RIT2: variants seen among roughly 807,000 people sequenced by gnomAD.
RIT2 encodes Ras like without CAAX 2, also known as GTP-binding protein Rit2.
In RIT2, 24 loss-of-function variants were observed where a neutral mutation model predicts 23.7. That is an observed-to-expected ratio of 1.01 (90% confidence interval 0.73 to 1.43). The LOEUF is 1.43. Ranked by LOEUF, RIT2 falls within the 40% of genes most tolerant of loss-of-function variation. The pLI is 0.00. For missense variants in RIT2, 236 were observed against 266.9 expected (o/e 0.88, Z 0.81); for synonymous variants, 107 against 91.1 (o/e 1.17, Z -0.99).
At position 42,747,401 on chromosome 18, in the gene RIT2, C is replaced by T. The variant is rs531502312; in HGVS notation, c.427-3681G>A. On this transcript the variant is annotated intron_variant, in intron 4 of 4. Transcript: ENST00000326695. The stretch of plus-strand genomic sequence containing the variant: ...GAACACTGTTCAAAGAAATCATAGA[C>T]GACACAAACAAATGAAAACACATCC... Among the ~76,000 whole-genome samples the T allele has an allele frequency of 3.4e-4, 51 of 151,996 alleles. No individual in the cohort carries two copies. The South Asian group carries it at 7.0e-3, about 21-fold the overall frequency.
chr18:43,104,344 A>G (rs967546159), intron 1 of RIT2, among the ~76,000 whole-genome samples: 1 of 152,178 alleles, frequency 6.6e-6, no homozygotes, highest in South Asian at 2.1e-4. Context: ...GGGAGGAATG[A>G]GTTCTGGTGT....
intron 1 of RIT2, among the ~76,000 whole-genome samples, chr18:43,077,102 CA>C (rs34419558): frequency 0.018 from 1,465 of 80,230 alleles, 3 homozygotes; most frequent in Non-Finnish European, 0.021. Flanking sequence ...GACTCCGTCT[CA>C]AAAAAAAAAA....
intron 2 of RIT2, among the ~76,000 whole-genome samples, chr18:42,990,057 A>C (rs1910805486): frequency 6.6e-6 from 1 of 151,542 alleles, no homozygotes; most frequent in Non-Finnish European, 1.5e-5. Flanking sequence ...ATTTATTGTA[A>C]GGAATACAAT....
chr18:42,768,018 A>T (rs1235636225), intron 4 of RIT2, among the ~76,000 whole-genome samples: 1 of 152,142 alleles, frequency 6.6e-6, no homozygotes, highest in East Asian at 1.9e-4. Flanking sequence ...TGTGAAAACA[A>T]ACTAATACAA....
intron 1 of RIT2, among the ~76,000 whole-genome samples, chr18:43,105,590 T>C (rs901909681): frequency 6.6e-6 from 1 of 151,656 alleles, no homozygotes; most frequent in Admixed American, 6.6e-5. Context: ...TTTTCCAATG[T>C]CATCTACCCA....
At chr18:43,087,716 G>A (rs887771232) in intron 1 of RIT2, among the ~76,000 whole-genome samples, 4 of 152,006 alleles carry the variant, frequency 2.6e-5, no homozygotes, top group Admixed American at 6.6e-5. Flanking sequence ...GTAACTGCTC[G>A]AATAGTACAA....
At chr18:42,776,856 A>C (rs990474104) in intron 4 of RIT2, among the ~76,000 whole-genome samples, 4 of 152,232 alleles carry the variant, frequency 2.6e-5, no homozygotes, top group African/African-American at 9.6e-5. Context: ...AAGGGAAATA[A>C]CATTATCAGA....
chr18:42,975,550 G>C (rs1910459397), intron 2 of RIT2, among the ~76,000 whole-genome samples: 1 of 152,026 alleles, frequency 6.6e-6, no homozygotes, highest in African/African-American at 2.4e-5. Flanking sequence ...TCAAGACAGA[G>C]AGGACCCTGA....
chr18:43,048,242 A>G (rs984913093), intron 1 of RIT2, among the ~76,000 whole-genome samples: 5 of 152,204 alleles, frequency 3.3e-5, no homozygotes, highest in Admixed American at 1.3e-4. Flanking sequence ...TTGTATATCT[A>G]TAACAATAAT....
intron 1 of RIT2, among the ~76,000 whole-genome samples, chr18:43,062,722 G>T (rs146766124): frequency 1.3e-5 from 2 of 152,224 alleles, no homozygotes; most frequent in African/African-American, 4.8e-5. Context: ...TGATAAATAT[G>T]AATCTTATTT....
chr18:42,891,500 C>T (rs556395708), intron 4 of RIT2, among the ~76,000 whole-genome samples: 2 of 152,188 alleles, frequency 1.3e-5, no homozygotes, highest in South Asian at 4.1e-4. Context: ...ACCATGATGT[C>T]CTGCAGTAGG....
At chr18:42,919,604 C>T (rs1025120417) in intron 4 of RIT2, among the ~76,000 whole-genome samples, 3 of 151,960 alleles carry the variant, frequency 2.0e-5, no homozygotes, top group Non-Finnish European at 2.9e-5. Context: ...ATCCCAGCTA[C>T]GTGGGAGGCT....
chr18:43,045,139 A>G (rs911421269), intron 1 of RIT2, among the ~76,000 whole-genome samples: 9 of 152,172 alleles, frequency 5.9e-5, no homozygotes, highest in Non-Finnish European at 1.0e-4. Flanking sequence ...GGAGTATTTC[A>G]GTATGCAGTG....
At chr18:43,041,452 C>T (rs1159796197) in intron 1 of RIT2, among the ~76,000 whole-genome samples, 2 of 152,068 alleles carry the variant, frequency 1.3e-5, no homozygotes, top group African/African-American at 4.8e-5. Flanking sequence ...TAGGAAGTAC[C>T]TGATGGATTT....
At chr18:42,821,126 A>G (rs1046510436) in intron 4 of RIT2, among the ~76,000 whole-genome samples, 3 of 152,132 alleles carry the variant, frequency 2.0e-5, no homozygotes, top group African/African-American at 7.2e-5. Context: ...TCTGAGCCAA[A>G]ATAGGCCTTT....
intron 4 of RIT2, among the ~76,000 whole-genome samples, chr18:42,789,910 G>A (rs1023697686): frequency 1.3e-5 from 2 of 152,140 alleles, no homozygotes; most frequent in Non-Finnish European, 2.9e-5. Context: ...AGTTTTTAGA[G>A]GGAATGCTTT....
intron 4 of RIT2, among the ~76,000 whole-genome samples, chr18:42,835,460 C>T (rs1433918463): frequency 1.3e-5 from 2 of 152,070 alleles, no homozygotes; most frequent in African/African-American, 2.4e-5. Flanking sequence ...TTCTCCAAAG[C>T]TTACATTAGT....
chr18:42,973,981 G>T, intron 3 of RIT2, 93 bp downstream of exon 3: 2 of 768,654 alleles, frequency 2.6e-6, no homozygotes, highest in South Asian at 1.9e-5. Flanking sequence ...TCTTCTGCTT[G>T]AATAAAGTCA....
At chr18:42,840,321 A>C (rs1906729276) in intron 4 of RIT2, among the ~76,000 whole-genome samples, 1 of 152,160 alleles carries the variant, frequency 6.6e-6, no homozygotes, top group Non-Finnish European at 1.5e-5. Flanking sequence ...TGTTTATCTA[A>C]AATTTAAATC....
Sources: gnomAD v4.1 joint callset for allele counts (sites outside exome capture counted in the v4.1 genomes callset) on GRCh38, gnomAD v4.1.1 for gene constraint, MANE v1.5 for transcripts, NCBI Gene and HGNC (gene_info 2026-07-23, HGNC 2026-07-21) for gene names.